The following PTPRD variants were observed in gnomAD, a reference collection of about 807,000 sequenced individuals.
PTPRD encodes protein tyrosine phosphatase receptor type D.
In PTPRD, 34 loss-of-function variants were observed where a neutral mutation model predicts 214.5. That is an observed-to-expected ratio of 0.16 (90% confidence interval 0.12 to 0.21). The LOEUF (loss-of-function observed/expected upper bound fraction) is 0.21, where lower values mean the gene tolerates loss of function less well. Ranked by LOEUF, PTPRD falls within the 10% of genes least tolerant of loss-of-function variation. The pLI is 1.00. For missense variants in PTPRD, 2,545 were observed against 2,398.7 expected, an observed-to-expected ratio of 1.06 and a Z score of -1.27; for synonymous variants, 1,128 against 845.7, an observed-to-expected ratio of 1.33 and a Z score of -5.79.
At chr9:8,621,282 G>A (rs1363764557) in intron 14 of PTPRD, among the ~76,000 whole-genome samples, 8 of 151,914 alleles carry the variant, frequency 5.3e-5, no homozygotes, top group African/African-American at 1.7e-4. Flanking sequence ...CACAGGAAGC[G>A]TGGTCCCTGA....
At chr9:8,602,328 T>C (rs2094918720) in intron 14 of PTPRD, among the ~76,000 whole-genome samples, 1 of 152,184 alleles carries the variant, frequency 6.6e-6, no homozygotes, top group African/African-American at 2.4e-5. Context: ...CCAGGGCTTC[T>C]GAGACTTCAC....
intron 12 of PTPRD, among the ~76,000 whole-genome samples, chr9:8,666,505 G>T (rs763421618): frequency 1.3e-5 from 2 of 152,146 alleles, no homozygotes; most frequent in African/African-American, 2.4e-5. Context: ...GCCCTTATAG[G>T]TGTCACTGCC....
chr9:8,817,790 A>C (rs960697954), intron 11 of PTPRD, among the ~76,000 whole-genome samples: 1 of 152,228 alleles, frequency 6.6e-6, no homozygotes, highest in African/African-American at 2.4e-5. Context: ...AATTTCAAGT[A>C]GGTTTCTTCT....
chr9:8,697,391 T>C (rs1273207266), intron 12 of PTPRD, among the ~76,000 whole-genome samples: 1 of 151,264 alleles, frequency 6.6e-6, no homozygotes, highest in Non-Finnish European at 1.5e-5. Flanking sequence ...ATTTGGGATT[T>C]TTTATTATTT....
At chr9:8,633,790 G>C (rs974756802) in intron 13 of PTPRD, among the ~76,000 whole-genome samples, 2 of 151,986 alleles carry the variant, frequency 1.3e-5, no homozygotes, top group African/African-American at 2.4e-5. Context: ...CAGCTATAAT[G>C]GATAAACTTC....
intron 14 of PTPRD, among the ~76,000 whole-genome samples, chr9:8,579,329 T>C (rs562250322): frequency 2.0e-5 from 3 of 152,244 alleles, no homozygotes; most frequent in Non-Finnish European, 4.4e-5. Context: ...TAAGAAATAA[T>C]TTTAAAAGAA....
chr9:8,631,807 T>C lies in PTPRD; in HGVS notation c.352+1510A>G, dbSNP rs146142102. Among the ~76,000 whole-genome samples, 591 of 152,002 alleles carry C rather than the reference T, an allele frequency of 3.9e-3. 26 individuals carry two copies. The East Asian group carries it at 0.1, about 26-fold the overall frequency. On this transcript the variant is annotated intron_variant, in intron 14 of 45. Coordinates refer to ENST00000381196, the MANE Select transcript of PTPRD (RefSeq NM_002839.4). ...AAATCCCTCCCTTGTTTTTAGCAAC[T>C]GGAAATTTCAATTTCTTGTTTGTAA... is the stretch of plus-strand genomic sequence containing the variant.
chr9:10,160,187 G>A (rs988927681), intron 3 of PTPRD, among the ~76,000 whole-genome samples: 1 of 152,028 alleles, frequency 6.6e-6, no homozygotes, highest in African/African-American at 2.4e-5. Flanking sequence ...AGGAGGAGCA[G>A]CTCTACTTAT....
rs764968728 is a variant in PTPRD at position 10,012,465 on chromosome 9, CA to C, written c.-472+21252del. 2.0e-5 allele frequency among the ~76,000 whole-genome samples: 3 copies of C among 151,990 alleles called. No individual in the cohort carries two copies. In the East Asian group the frequency reaches 5.8e-4, roughly 29 times the overall value. The stretch of plus-strand genomic sequence containing the variant: ...TTTAAAGTTTAAGCAATTCCCATCT[CA>C]AAAAAGTCATTCTCCACAATCCTTT... On this transcript the variant is annotated intron_variant, in intron 4 of 45. Transcript: ENST00000381196.
intron 31 of PTPRD, among the ~76,000 whole-genome samples, chr9:8,466,007 G>A (rs2096537497): frequency 6.6e-6 from 1 of 151,774 alleles, no homozygotes; most frequent in Admixed American, 6.6e-5. Context: ...AAAAAAGTCA[G>A]CTTGATTCAT....
Position 9,389,446 on chromosome 9 carries a change from G to C in PTPRD, c.-203+8003C>G, listed in dbSNP as rs553051490. The stretch of plus-strand genomic sequence containing the variant: ...AATTGCTTGAACCCGGGAGGCAGAG[G>C]TTGTGGTGAGCTGAGATCGTGCCAT... On this transcript the variant is annotated intron_variant, in intron 9 of 45. Coordinates refer to ENST00000381196, the MANE Select transcript of PTPRD (RefSeq NM_002839.4). 2.2e-4 allele frequency among the ~76,000 whole-genome samples: 34 copies of C among 152,282 alleles called. No homozygotes were observed. The East Asian group carries it at 6.4e-3, about 29-fold the overall frequency.
At chr9:9,992,033 A>G (rs924028387) in intron 4 of PTPRD, among the ~76,000 whole-genome samples, 1 of 152,198 alleles carries the variant, frequency 6.6e-6, no homozygotes, top group Non-Finnish European at 1.5e-5. Context: ...GAAATGCCCA[A>G]TATAGGCAAA....
At chr9:10,079,455 G>A (rs944925612) in intron 3 of PTPRD, among the ~76,000 whole-genome samples, 9 of 152,196 alleles carry the variant, frequency 5.9e-5, no homozygotes, top group East Asian at 1.9e-4. Context: ...CCCCTCCCCT[G>A]AAGCATCCAG....
At chr9:9,319,494 G>C (rs376991738) in intron 9 of PTPRD, among the ~76,000 whole-genome samples, 4 of 152,176 alleles carry the variant, frequency 2.6e-5, no homozygotes, top group East Asian at 3.9e-4. Context: ...GCATTTGTTA[G>C]TTTCAGACTA....
intron 12 of PTPRD, among the ~76,000 whole-genome samples, chr9:8,715,373 G>A (rs2098420070): frequency 6.6e-6 from 1 of 152,112 alleles, no homozygotes; most frequent in African/African-American, 2.4e-5. Context: ...CTACAGGAGT[G>A]CACAGACCCT....
intron 9 of PTPRD, among the ~76,000 whole-genome samples, chr9:9,321,469 G>T (rs10977658): frequency 0.22 from 32,610 of 151,156 alleles, 4,294 homozygotes; most frequent in East Asian, 0.35. Context: ...GCAAGAGAAT[G>T]GCTTGAACCT....
intron 4 of PTPRD, among the ~76,000 whole-genome samples, chr9:10,014,367 A>G (rs2096658985): frequency 1.3e-5 from 2 of 152,078 alleles, no homozygotes; most frequent in African/African-American, 2.4e-5. Context: ...GGAATGTTAC[A>G]TTTACTTTTC....
intron 3 of PTPRD, among the ~76,000 whole-genome samples, chr9:10,110,697 C>G (rs968729982): frequency 6.6e-6 from 1 of 152,264 alleles, no homozygotes; most frequent in Admixed American, 6.5e-5. Flanking sequence ...ATTGGCCTAT[C>G]CAATCCGTAA....
chr9:9,477,006 A>G (rs2095097648), intron 8 of PTPRD, among the ~76,000 whole-genome samples: 1 of 152,142 alleles, frequency 6.6e-6, no homozygotes. Flanking sequence ...AAGTGCTGGG[A>G]TTACAGGTGT....
Sources: allele counts gnomAD v4.1 joint callset (sites outside exome capture counted in the v4.1 genomes callset), GRCh38; gene constraint gnomAD v4.1.1; transcripts MANE v1.5; gene names NCBI Gene and HGNC (gene_info 2026-07-23, HGNC 2026-07-21).